The following TTC28 variants were observed in gnomAD, a reference collection of about 807,000 sequenced individuals.
TTC28 encodes the protein tetratricopeptide repeat domain 28.
TTC28 carries 61 observed loss-of-function variants against 198.0 expected under a neutral mutation model. That is an observed-to-expected ratio of 0.31 (90% CI 0.25 to 0.38). The LOEUF (loss-of-function observed/expected upper bound fraction) is 0.38, where lower values mean the gene tolerates loss of function less well. TTC28 is among the 10% of genes least tolerant of loss of function. The pLI is 1.00. For synonymous variants in TTC28, 1,171 were observed against 1,297.8 expected (o/e 0.90, Z 2.10); for missense variants, 2,678 against 3,164.0 (o/e 0.85, Z 3.69).
At chr22:28,567,475 C>CAT (rs1217643047) in intron 2 of TTC28, among the ~76,000 whole-genome samples, 2 of 13,776 alleles carry the variant, frequency 1.5e-4, no homozygotes, top group Non-Finnish European at 2.4e-4. Flanking sequence ...CATATACATA[C>CAT]ATACATATAT....
chr22:28,077,506 C>G (rs1342425221), intron 12 of TTC28, among the ~76,000 whole-genome samples: 5 of 152,280 alleles, frequency 3.3e-5, no homozygotes, highest in Middle Eastern at 6.8e-3. Flanking sequence ...GTGGTTATGC[C>G]AATTTACTCT....
chr22:28,385,605 T>C (rs1240800112), intron 2 of TTC28, among the ~76,000 whole-genome samples: 1 of 151,920 alleles, frequency 6.6e-6, no homozygotes, highest in Admixed American at 6.6e-5. Flanking sequence ...TTATTAATAG[T>C]AGAAGTATAA....
At chr22:28,004,575 G>A (rs1455415783) in intron 14 of TTC28, among the ~76,000 whole-genome samples, 1 of 152,216 alleles carries the variant, frequency 6.6e-6, no homozygotes, top group Non-Finnish European at 1.5e-5. Context: ...ATACAACCCT[G>A]GGTGAAGGTC....
chr22:28,055,887 G>T (rs1940268348), intron 12 of TTC28, among the ~76,000 whole-genome samples: 1 of 152,016 alleles, frequency 6.6e-6, no homozygotes, highest in African/African-American at 2.4e-5. Context: ...CCATTCTAAT[G>T]TGTTTATTGT....
chr22:28,651,367 T>C (rs1340772365), intron 1 of TTC28, among the ~76,000 whole-genome samples: 1 of 150,570 alleles, frequency 6.6e-6, no homozygotes, highest in Non-Finnish European at 1.5e-5. Context: ...AGTGGCGTGA[T>C]CTGAGCTCAC....
chr22:28,035,765 T>C (rs1314383106), intron 12 of TTC28, among the ~76,000 whole-genome samples: 1 of 152,232 alleles, frequency 6.6e-6, no homozygotes. Flanking sequence ...GTCTATTTTT[T>C]CTTACTGACA....
At chr22:28,208,427 C>A (rs1926615764) in intron 5 of TTC28, among the ~76,000 whole-genome samples, 3 of 152,114 alleles carry the variant, frequency 2.0e-5, no homozygotes, top group Non-Finnish European at 4.4e-5. Flanking sequence ...AAAACAGCAC[C>A]ACTCCAGAAG....
intron 17 of TTC28, among the ~76,000 whole-genome samples, chr22:27,995,295 T>G (rs1163192382): frequency 6.6e-6 from 1 of 152,084 alleles, no homozygotes; most frequent in East Asian, 1.9e-4. Flanking sequence ...CGTGGCAGAT[T>G]TGGAAGGAGC....
chr22:28,657,751 C>T (rs1057087731), intron 1 of TTC28, among the ~76,000 whole-genome samples: 9 of 152,064 alleles, frequency 5.9e-5, no homozygotes, highest in Non-Finnish European at 1.2e-4. Context: ...AGATGGCGCA[C>T]ACCTATTGTC....
intron 12 of TTC28, among the ~76,000 whole-genome samples, chr22:28,047,896 A>G (rs1939931108): frequency 6.6e-6 from 1 of 152,158 alleles, no homozygotes; most frequent in Non-Finnish European, 1.5e-5. Flanking sequence ...TATTGCTGGT[A>G]GGCATGAAGG....
chr22:28,230,252 C>T (rs1392354510), intron 5 of TTC28, among the ~76,000 whole-genome samples: 1 of 152,168 alleles, frequency 6.6e-6, no homozygotes, highest in East Asian at 1.9e-4. Context: ...GCAAAGAATG[C>T]AAGCAAATAT....
chr22:28,380,740 T>C (rs1417566858), intron 2 of TTC28, among the ~76,000 whole-genome samples: 1 of 152,186 alleles, frequency 6.6e-6, no homozygotes, highest in Non-Finnish European at 1.5e-5. Flanking sequence ...TCAGCTACCT[T>C]GTTCCAGGTA....
At chr22:28,437,545 A>C (rs1400541737) in intron 2 of TTC28, among the ~76,000 whole-genome samples, 1 of 152,150 alleles carries the variant, frequency 6.6e-6, no homozygotes, top group Non-Finnish European at 1.5e-5. Flanking sequence ...TAGGGCTTTA[A>C]GAAGGTGAGT....
At chr22:28,431,694 T>G (rs994259523) in intron 2 of TTC28, among the ~76,000 whole-genome samples, 1 of 152,166 alleles carries the variant, frequency 6.6e-6, no homozygotes, top group Non-Finnish European at 1.5e-5. Context: ...ATCAGTAATA[T>G]AGGCCAAGCA....
At chr22:28,481,241 G>A (rs2048242926) in intron 2 of TTC28, among the ~76,000 whole-genome samples, 1 of 152,014 alleles carries the variant, frequency 6.6e-6, no homozygotes, top group African/African-American at 2.4e-5. Flanking sequence ...CAGAAATTTT[G>A]GTTGTTCATT....
chr22:28,557,637 T>G (rs1280796884), intron 2 of TTC28, among the ~76,000 whole-genome samples: 1 of 152,248 alleles, frequency 6.6e-6, no homozygotes, highest in Admixed American at 6.5e-5. Context: ...CCCTTCAATA[T>G]CTTAAGTTCT....
chr22:28,091,029 G>C (rs1400784590), intron 12 of TTC28, among the ~76,000 whole-genome samples: 1 of 152,210 alleles, frequency 6.6e-6, no homozygotes, highest in Non-Finnish European at 1.5e-5. Flanking sequence ...TAACCTGCTA[G>C]AGATCCTAAG....
intron 2 of TTC28, among the ~76,000 whole-genome samples, chr22:28,525,398 C>CT (rs1484404726): frequency 6.6e-6 from 1 of 152,134 alleles, no homozygotes; most frequent in Non-Finnish European, 1.5e-5. Flanking sequence ...AAATGGATCC[C>CT]TCTGCCTCCG....
chr22:28,013,881 C>T (rs559766604), intron 14 of TTC28, among the ~76,000 whole-genome samples: 3 of 152,274 alleles, frequency 2.0e-5, no homozygotes, highest in South Asian at 2.1e-4. Flanking sequence ...TAGAGGTGCA[C>T]CTGCGCCTCC....
Sources: gnomAD v4.1 joint callset for allele counts (sites outside exome capture counted in the v4.1 genomes callset) on GRCh38, gnomAD v4.1.1 for gene constraint, MANE v1.5 for transcripts, NCBI Gene and HGNC (gene_info 2026-07-23, HGNC 2026-07-21) for gene names.